GNAI1: variants seen among roughly 807,000 people sequenced by gnomAD.
The protein encoded by GNAI1 is G protein subunit alpha i1.
A neutral mutation model predicts 38.9 loss-of-function variants in GNAI1; 11 were observed. The observed-to-expected ratio is 0.28, with a 90% CI of 0.18 to 0.47. GNAI1 has a LOEUF of 0.47. Among genes scored for constraint, GNAI1 ranks in the 20% least tolerant of loss-of-function variants. The pLI is 0.99. For synonymous variants in GNAI1, 166 were observed against 145.1 expected (o/e 1.14, Z -1.04); for missense variants, 317 against 436.9 (o/e 0.73, Z 2.45).
intron 3 of GNAI1, among the ~76,000 whole-genome samples, chr7:80,195,502 C>A (rs979656672): frequency 2.0e-5 from 3 of 151,890 alleles, no homozygotes; most frequent in African/African-American, 7.2e-5. Flanking sequence ...CTGATCAAGT[C>A]GGCTTCATCC....
intron 3 of GNAI1, among the ~76,000 whole-genome samples, chr7:80,190,879 C>T (rs1233515262): frequency 1.3e-5 from 2 of 151,778 alleles, no homozygotes; most frequent in African/African-American, 2.4e-5. Flanking sequence ...GGAATGTTGT[C>T]GTTTTCTCTT....
chr7:80,184,343 T>C lies in GNAI1; in HGVS notation c.119-4608T>C, dbSNP rs904223474. 4.6e-5 allele frequency among the ~76,000 whole-genome samples: 7 copies of C among 152,170 alleles called. No individual in the cohort carries two copies. In the East Asian group the frequency reaches 1.4e-3, roughly 29 times the overall value. ...GCCTTTTGACTTGAGGTTTTATACATTGGTACGTCCAGGGTCTTGTGTCCC... is the reference window on the plus strand; with the variant it reads ...GCCTTTTGACTTGAGGTTTTATACACTGGTACGTCCAGGGTCTTGTGTCCC... On this transcript the variant is annotated intron_variant, in intron 1 of 7. Coordinates refer to ENST00000649796, the MANE Select transcript of GNAI1 (RefSeq NM_002069.6).
chr7:80,223,694 T>A lies in GNAI1; in HGVS notation c.*6201T>A, dbSNP rs1383800980. ...TGCAGCATTCAATTTTAGTATAACA[T>A]GTTTTCCTGTTTACAAATATAAGTA... On this transcript the variant is annotated 3_prime_UTR_variant, in exon 8 of 8. Transcript: ENST00000649796. Among the ~76,000 whole-genome samples the A allele has an allele frequency of 6.6e-6, 1 of 152,218 alleles. No homozygotes were observed. Among genetic ancestry groups the A allele is most frequent in the Non-Finnish European group, 1.5e-5 (1 of 68,040 alleles).
At chr7:80,175,570 T>A (rs1194548092) in intron 1 of GNAI1, among the ~76,000 whole-genome samples, 2 of 149,756 alleles carry the variant, frequency 1.3e-5, no homozygotes, top group Non-Finnish European at 3.0e-5. Context: ...TTTTTTTTTT[T>A]AACAAATTGA....
chr7:80,175,277 C>T (rs936945665), intron 1 of GNAI1, among the ~76,000 whole-genome samples: 1 of 152,002 alleles, frequency 6.6e-6, no homozygotes, highest in Non-Finnish European at 1.5e-5. Flanking sequence ...ACTGGCATCT[C>T]GGCGTCTTCA....
chr7:80,157,598 A>G (rs1243742094), intron 1 of GNAI1, among the ~76,000 whole-genome samples: 1 of 152,200 alleles, frequency 6.6e-6, no homozygotes, highest in Admixed American at 6.5e-5. Flanking sequence ...TCTCACCAGC[A>G]TTTGGTTGTG....
chr7:80,191,787 T>C (rs1004155904), intron 3 of GNAI1, among the ~76,000 whole-genome samples: 5 of 152,212 alleles, frequency 3.3e-5, no homozygotes, highest in African/African-American at 1.2e-4. Context: ...TTTTGATAGG[T>C]ACCACAGGTT....
At position 80,221,780 on chromosome 7, in the gene GNAI1, T is replaced by A. The variant is rs910406390; in HGVS notation, c.*4287T>A. Among the ~76,000 whole-genome samples, 3 of 151,622 alleles carry A rather than the reference T, an allele frequency of 2.0e-5. No homozygotes were observed. In the East Asian group the frequency reaches 5.9e-4, roughly 30 times the overall value. ...GCCTCAGCCTCCCGAGTAGCTGGGATTACAGGCATGCGCCACTACACCCAG... is the reference window on the plus strand; with the variant it reads ...GCCTCAGCCTCCCGAGTAGCTGGGAATACAGGCATGCGCCACTACACCCAG... On this transcript the variant is annotated 3_prime_UTR_variant, in exon 8 of 8. Transcript: ENST00000649796.
rs998770681 is a variant in GNAI1 at position 80,224,245 on chromosome 7, C to T, written c.*6752C>T. ...CTTTTCTGGGTACCTTACTAATGCT[C>T]TCATTTAGTCATCAGAGCAGTCCTG... On this transcript the variant is annotated 3_prime_UTR_variant, in exon 8 of 8. Coordinates refer to ENST00000649796, the MANE Select transcript of GNAI1 (RefSeq NM_002069.6). Among the ~76,000 whole-genome samples the T allele has an allele frequency of 6.6e-6, 1 of 152,134 alleles. No homozygotes were observed. The highest frequency in any genetic ancestry group is 1.5e-5 in the Non-Finnish European group (1 of 68,020).
chr7:80,148,400 T>C (rs184913388), intron 1 of GNAI1, among the ~76,000 whole-genome samples: 442 of 152,228 alleles, frequency 2.9e-3, no homozygotes, highest in Non-Finnish European at 4.4e-3. Context: ...CTCAAAAAGA[T>C]CTTAGTGGCC....
intron 7 of GNAI1, among the ~76,000 whole-genome samples, chr7:80,213,796 A>T (rs944244679): frequency 2.0e-5 from 3 of 151,914 alleles, no homozygotes; most frequent in African/African-American, 7.3e-5. Flanking sequence ...CTCCAAATCT[A>T]GATAGTTTGA....
rs989753162 is a variant in GNAI1, at chr7:80,220,253, T to C, written c.*2760T>C. 3.9e-5 allele frequency among the ~76,000 whole-genome samples: 6 copies of C among 152,252 alleles called. No individual in the cohort carries two copies. Among genetic ancestry groups the C allele is most frequent in the Non-Finnish European group, 8.8e-5 (6 of 68,042 alleles). On this transcript the variant is annotated 3_prime_UTR_variant, in exon 8 of 8. Coordinates refer to ENST00000649796, the MANE Select transcript of GNAI1 (RefSeq NM_002069.6). ...ACTGTATTACTTACTACATGTGATA[T>C]GCTTAGAGCAGTGCCTACAATGTGG...
chr7:80,143,881 T>C (rs1167462333), intron 1 of GNAI1, among the ~76,000 whole-genome samples: 1 of 151,566 alleles, frequency 6.6e-6, no homozygotes, highest in Admixed American at 6.6e-5. Context: ...TTAAATTCTT[T>C]TTATTGGCTT....
chr7:80,176,348 CA>C (rs1199672515), intron 1 of GNAI1, among the ~76,000 whole-genome samples: 1 of 152,138 alleles, frequency 6.6e-6, no homozygotes, highest in Non-Finnish European at 1.5e-5. Flanking sequence ...AATAAAAGTG[CA>C]AGGTAAAGCA....
Position 80,183,240 on chromosome 7 carries a change from A to G in GNAI1, c.119-5711A>G, listed in dbSNP as rs546939990. Among the ~76,000 whole-genome samples the G allele has an allele frequency of 5.3e-5, 8 of 152,358 alleles. No homozygotes were observed. The East Asian group carries it at 1.2e-3, about 22-fold the overall frequency. ...GGAGGGAAATGTTTTTCATTTCAACAGGGAGAATTGAACGTTTTATTTTTA... is the reference window on the plus strand; with the variant it reads ...GGAGGGAAATGTTTTTCATTTCAACGGGGAGAATTGAACGTTTTATTTTTA... On this transcript the variant is annotated intron_variant, in intron 1 of 7. Coordinates refer to ENST00000649796, the MANE Select transcript of GNAI1 (RefSeq NM_002069.6).
chr7:80,157,797 C>T (rs1787845173), intron 1 of GNAI1, among the ~76,000 whole-genome samples: 1 of 152,160 alleles, frequency 6.6e-6, no homozygotes, highest in African/African-American at 2.4e-5. Flanking sequence ...ACCTCTGTCT[C>T]CCAGATTCAA....
intron 1 of GNAI1, among the ~76,000 whole-genome samples, chr7:80,168,531 G>T (rs1253403548): frequency 6.6e-6 from 1 of 152,086 alleles, no homozygotes; most frequent in Non-Finnish European, 1.5e-5. Context: ...GGGACTACAG[G>T]TGCCCGCCAC....
intron 1 of GNAI1, among the ~76,000 whole-genome samples, chr7:80,152,586 G>A (rs867442854): frequency 3.6e-5 from 4 of 112,242 alleles, no homozygotes; most frequent in African/African-American, 1.4e-4. Flanking sequence ...TTTTTGAAAC[G>A]TAGTCTTGCT....
chr7:80,196,209 C>G (rs907621044), intron 3 of GNAI1, among the ~76,000 whole-genome samples: 11 of 151,992 alleles, frequency 7.2e-5, no homozygotes, highest in Non-Finnish European at 1.6e-4. Context: ...TTTACTTTCT[C>G]TAAATCAACT....
Sources: allele counts gnomAD v4.1 joint callset (sites outside exome capture counted in the v4.1 genomes callset), GRCh38; gene constraint gnomAD v4.1.1; transcripts MANE v1.5; gene names NCBI Gene and HGNC (gene_info 2026-07-23, HGNC 2026-07-21).